ARMC3: variants seen among roughly 807,000 people sequenced by gnomAD.
ARMC3 encodes armadillo repeat containing 3, also known as armadillo repeat-containing protein 3.
A neutral mutation model predicts 90.3 loss-of-function variants in ARMC3; 74 were observed. The ratio of observed to expected loss-of-function variants is 0.82; its 90% CI spans 0.68 to 0.99. ARMC3 has a LOEUF of 0.99. Ranked by LOEUF, ARMC3 falls within the 50% of genes least tolerant of loss-of-function variation. ARMC3 has a pLI of 0.00. For missense variants in ARMC3, 958 were observed against 1,042.8 expected, an observed-to-expected ratio of 0.92 and a Z score of 1.12; for synonymous variants, 334 against 361.8, an observed-to-expected ratio of 0.92 and a Z score of 0.87.
intron 13 of ARMC3, chr10:23,006,654 G>A: frequency 2.2e-6 from 1 of 462,508 alleles, no homozygotes; most frequent in South Asian, 2.2e-5. Context: ...AAACAGCCGA[G>A]TGTAAAGCAA....
At chr10:22,944,673 G>A (rs1000299567) in intron 2 of ARMC3, among the ~76,000 whole-genome samples, 1 of 152,154 alleles carries the variant, frequency 6.6e-6, no homozygotes. Context: ...AGGTCCTCGG[G>A]CATTCTGGGG....
intron 8 of ARMC3, among the ~76,000 whole-genome samples, chr10:22,970,378 A>G (rs1835629304): frequency 6.6e-6 from 1 of 152,194 alleles, no homozygotes; most frequent in African/African-American, 2.4e-5. Context: ...GCCACAGAAC[A>G]CTGAGCGCTC....
intron 8 of ARMC3, among the ~76,000 whole-genome samples, chr10:22,980,634 G>C (rs1836145261): frequency 6.6e-6 from 1 of 152,034 alleles, no homozygotes; most frequent in Admixed American, 6.6e-5. Flanking sequence ...ATGAAGCCAA[G>C]AGAAAACAAT....
At chr10:22,981,548 CA>C in intron 9 of ARMC3, 46 bp from the exon 10 acceptor site, 1 of 1,612,912 alleles carries the variant, frequency 6.2e-7, no homozygotes. Flanking sequence ...TATTTTAGTG[CA>C]CATGGGCATT....
intron 16 of ARMC3, among the ~76,000 whole-genome samples, chr10:23,011,676 G>A (rs561754239): frequency 6.6e-6 from 1 of 152,168 alleles, no homozygotes; most frequent in East Asian, 1.9e-4. Flanking sequence ...TTCCTTGCTT[G>A]CTTTTTTTTT....
At chr10:22,952,963 A>C (rs766150206) in intron 3 of ARMC3, among the ~76,000 whole-genome samples, 1 of 152,250 alleles carries the variant, frequency 6.6e-6, no homozygotes. Flanking sequence ...CTATGAAAAT[A>C]GTATGTTACA....
rs191926390 is a variant in ARMC3 at position 22,969,571 on chromosome 10, G to T, written c.916+1082G>T. On this transcript the variant is annotated intron_variant, in intron 8 of 18. Transcript: ENST00000298032. ...TAGTGTGCATAGAGGGGCCTCATGA[G>T]TTACATTATAAATGCCTATTTGAGA... Among the ~76,000 whole-genome samples, 37 of 152,304 alleles carry T rather than the reference G, an allele frequency of 2.4e-4. 1 individual carries two copies. Among genetic ancestry groups the T allele is most frequent in the Admixed American group, 1.4e-3 (21 of 15,290 alleles).
intron 16 of ARMC3, among the ~76,000 whole-genome samples, chr10:23,022,707 T>G (rs971968310): frequency 1.3e-5 from 2 of 152,112 alleles, no homozygotes; most frequent in Non-Finnish European, 2.9e-5. Context: ...CTTTTCCCCC[T>G]TCTACCCCTA....
intron 11 of ARMC3, among the ~76,000 whole-genome samples, chr10:23,001,597 T>C (rs1259670067): frequency 6.6e-6 from 1 of 152,064 alleles, no homozygotes; most frequent in East Asian, 1.9e-4. Context: ...GAATAGTCAG[T>C]GTTCAGGAGC....
chr10:22,959,306 A>G (rs1481463034), intron 5 of ARMC3, 93 bp from the exon 6 acceptor site: 131 of 1,390,346 alleles, frequency 9.4e-5, no homozygotes, highest in Non-Finnish European at 4.9e-6. Flanking sequence ...GCAAGATACA[A>G]TTTGTGGAGC....
intron 3 of ARMC3, among the ~76,000 whole-genome samples, chr10:22,949,165 A>G (rs1339496614): frequency 6.6e-6 from 1 of 152,230 alleles, no homozygotes; most frequent in African/African-American, 2.4e-5. Context: ...GTTGTTTCCA[A>G]GTAACTTAAT....
intron 8 of ARMC3, among the ~76,000 whole-genome samples, chr10:22,969,278 G>A (rs1223699642): frequency 1.3e-5 from 2 of 152,150 alleles, no homozygotes; most frequent in African/African-American, 2.4e-5. Context: ...ATTAATTACA[G>A]CACAAGCACA....
intron 16 of ARMC3, among the ~76,000 whole-genome samples, chr10:23,025,830 G>A (rs1372052655): frequency 6.6e-6 from 1 of 152,016 alleles, no homozygotes; most frequent in Non-Finnish European, 1.5e-5. Flanking sequence ...AATAACTTGG[G>A]TAAACCTCTG....
intron 14 of ARMC3, among the ~76,000 whole-genome samples, 181 bp from the exon 15 acceptor site, chr10:23,008,095 T>C (rs1454902191): frequency 2.6e-5 from 4 of 152,096 alleles, no homozygotes; most frequent in Non-Finnish European, 5.9e-5. Context: ...TAGAGTGAGA[T>C]CCTGTCTCAA....
chr10:22,938,054 G>A (rs1834179209), intron 2 of ARMC3, among the ~76,000 whole-genome samples: 1 of 152,140 alleles, frequency 6.6e-6, no homozygotes, highest in Admixed American at 6.5e-5. Context: ...GTAGTGATAC[G>A]ATCAATGAAG....
intron 8 of ARMC3, among the ~76,000 whole-genome samples, chr10:22,976,485 T>C (rs1281933045): frequency 6.6e-6 from 1 of 152,234 alleles, no homozygotes; most frequent in Non-Finnish European, 1.5e-5. Context: ...CTGTAAACTC[T>C]TTTATTCCAT....
intron 18 of ARMC3, among the ~76,000 whole-genome samples, chr10:23,036,072 T>A (rs552581903): frequency 7.9e-5 from 12 of 152,318 alleles, no homozygotes; most frequent in African/African-American, 1.4e-4. Flanking sequence ...TTACCCTCTA[T>A]AAAACGGGGA....
At chr10:23,026,055 C>A (rs916553702) in intron 16 of ARMC3, among the ~76,000 whole-genome samples, 6 of 152,028 alleles carry the variant, frequency 3.9e-5, no homozygotes, top group Non-Finnish European at 8.8e-5. Context: ...AGACAACAGC[C>A]CTGTAACTAT....
intron 16 of ARMC3, among the ~76,000 whole-genome samples, chr10:23,021,574 A>C (rs552926090): frequency 6.6e-6 from 1 of 152,226 alleles, no homozygotes; most frequent in Non-Finnish European, 1.5e-5. Context: ...ATGATTAGTG[A>C]TGTTGCAGAT....
Sources: allele counts gnomAD v4.1 joint callset (sites outside exome capture counted in the v4.1 genomes callset), GRCh38; gene constraint gnomAD v4.1.1; transcripts MANE v1.5; gene names NCBI Gene and HGNC (gene_info 2026-07-23, HGNC 2026-07-21).